Variants in AGBL3 observed in about 807,000 individuals in gnomAD.
AGBL3 encodes cytosolic carboxypeptidase 3.
In AGBL3, 68 loss-of-function variants were observed where a neutral mutation model predicts 94.5. That is an observed-to-expected ratio of 0.72 (90% confidence interval 0.59 to 0.88). AGBL3 has a LOEUF of 0.88. Ranked by LOEUF, AGBL3 falls within the 40% of genes least tolerant of loss-of-function variation. AGBL3 has a pLI of 0.00. For synonymous variants in AGBL3, 354 were observed against 370.7 expected (o/e 0.95, Z 0.52); for missense variants, 934 against 1,103.8 (o/e 0.85, Z 2.18).
intron 4 of AGBL3, among the ~76,000 whole-genome samples, chr7:135,014,525 A>G (rs553774521): frequency 2.6e-5 from 4 of 152,356 alleles, no homozygotes; most frequent in African/African-American, 9.6e-5. Context: ...CCAAGTGAAA[A>G]AAGATACACA....
chr7:135,068,252 C>T (rs1308639352), intron 12 of AGBL3, among the ~76,000 whole-genome samples: 3 of 152,160 alleles, frequency 2.0e-5, no homozygotes, highest in South Asian at 4.1e-4. Context: ...ACCAAATCTA[C>T]GTCTGCTTGG....
At chr7:135,065,061 C>T (rs1819165428) in intron 12 of AGBL3, among the ~76,000 whole-genome samples, 1 of 152,148 alleles carries the variant, frequency 6.6e-6, no homozygotes, top group Admixed American at 6.5e-5. Context: ...CACATCCTCA[C>T]TATACTAAGT....
intron 15 of AGBL3, among the ~76,000 whole-genome samples, chr7:135,095,127 G>T (rs952007810): frequency 6.6e-6 from 1 of 152,102 alleles, no homozygotes. Flanking sequence ...TCCTATTTTC[G>T]GGGAGGGATA....
chr7:135,015,191 CAGAAA>C (rs1184474836), intron 4 of AGBL3, among the ~76,000 whole-genome samples: 3 of 152,220 alleles, frequency 2.0e-5, no homozygotes, highest in African/African-American at 7.2e-5. Flanking sequence ...ATAGAATACT[CAGAAA>C]ATCTTGAAAT....
At chr7:135,030,614 G>C (rs754160499) in intron 5 of AGBL3, among the ~76,000 whole-genome samples, 52 of 152,006 alleles carry the variant, frequency 3.4e-4, no homozygotes, top group South Asian at 8.3e-4. Context: ...GTTAGTAGGG[G>C]TTTTGCACCA....
intron 11 of AGBL3, among the ~76,000 whole-genome samples, chr7:135,057,674 C>A (rs1818459493): frequency 1.3e-5 from 2 of 152,154 alleles, no homozygotes. Context: ...CCAGCAATTG[C>A]ATTCATATAG....
At chr7:135,104,479 T>C (rs1824343993) in intron 15 of AGBL3, among the ~76,000 whole-genome samples, 1 of 152,172 alleles carries the variant, frequency 6.6e-6, no homozygotes, top group South Asian at 2.1e-4. Flanking sequence ...GGTAATTCTG[T>C]TTTTAGCTCC....
intron 12 of AGBL3, among the ~76,000 whole-genome samples, chr7:135,060,415 TA>T (rs1759004246): frequency 6.6e-6 from 1 of 152,176 alleles, no homozygotes; most frequent in South Asian, 2.1e-4. Flanking sequence ...TGAAAACACT[TA>T]AAATCTATTC....
chr7:135,115,331 T>A (rs113930111), intron 15 of AGBL3, 49 bp from the exon 16 acceptor site: 37 of 1,227,884 alleles, frequency 3.0e-5, no homozygotes, highest in Middle Eastern at 4.4e-4. Flanking sequence ...AATAAGTAAT[T>A]GTGAATAGAG....
intron 12 of AGBL3, among the ~76,000 whole-genome samples, chr7:135,073,015 T>C (rs1820090701): frequency 1.3e-5 from 2 of 152,138 alleles, no homozygotes; most frequent in South Asian, 2.1e-4. Flanking sequence ...TATCATTTAG[T>C]CTTTGAACCT....
intron 15 of AGBL3, among the ~76,000 whole-genome samples, chr7:135,096,733 GAGAAAGAATGAA>G (rs1822890993): frequency 2.0e-5 from 1 of 51,152 alleles, no homozygotes; most frequent in East Asian, 5.4e-4. Context: ...AAGAAAGAAA[GAGAAAGAATGAA>G]AGAAAGAAAG....
chr7:135,054,807 C>A (rs1818193365), intron 11 of AGBL3, among the ~76,000 whole-genome samples: 1 of 152,152 alleles, frequency 6.6e-6, no homozygotes, highest in South Asian at 2.1e-4. Context: ...ATTTATCAAT[C>A]TGTATAGCTT....
intron 7 of AGBL3, among the ~76,000 whole-genome samples, chr7:135,036,645 T>C (rs1816338993): frequency 6.6e-6 from 1 of 152,218 alleles, no homozygotes; most frequent in African/African-American, 2.4e-5. Context: ...ATGGTACCAA[T>C]ATCTTTAAGT....
chr7:135,135,345 C>A lies in AGBL3; in HGVS notation c.*84C>A. The stretch of plus-strand genomic sequence containing the variant: ...AAAAGAAAAAAAGGAAAGCCCTCCC[C>A]TTCCCCTTTCCCTATCTCTCCCCTT... On this transcript the variant is annotated 3_prime_UTR_variant, in exon 17 of 17. Transcript: ENST00000436302. 2 of 1,241,550 alleles carry A rather than the reference C, an allele frequency of 1.6e-6. No individual in the cohort carries two copies. Among genetic ancestry groups the A allele is most frequent in the South Asian group, 2.2e-5 (1 of 45,264 alleles). The allele number at this position is 1,241,550 out of a possible 1,614,324, so 76.9% of individuals were successfully genotyped here.
At chr7:135,053,371 G>A (rs1436779349) in intron 11 of AGBL3, among the ~76,000 whole-genome samples, 1 of 152,194 alleles carries the variant, frequency 6.6e-6, no homozygotes, top group Non-Finnish European at 1.5e-5. Flanking sequence ...ACTTTGGGAG[G>A]CTGAGGTAGG....
intron 15 of AGBL3, among the ~76,000 whole-genome samples, chr7:135,087,212 T>G (rs1821399328): frequency 1.3e-5 from 2 of 151,932 alleles, no homozygotes; most frequent in African/African-American, 4.8e-5. Context: ...CTGATTTTAT[T>G]TGGGTCTTTT....
intron 5 of AGBL3, among the ~76,000 whole-genome samples, chr7:135,030,561 T>C (rs888913189): frequency 6.6e-6 from 1 of 152,208 alleles, no homozygotes; most frequent in Non-Finnish European, 1.5e-5. Flanking sequence ...GTTATCTTAA[T>C]ATTTATCCTG....
At chr7:135,016,965 A>G in intron 4 of AGBL3, 87 bp from the exon 5 acceptor site, 1 of 854,854 alleles carries the variant, frequency 1.2e-6, no homozygotes, top group Non-Finnish European at 1.9e-6. Flanking sequence ...GCCTAGATCT[A>G]TCAATGAATA....
At chr7:135,092,220 A>G (rs933009320) in intron 15 of AGBL3, 41 of 152,196 alleles carry the variant, frequency 2.7e-4, no homozygotes, top group African/African-American at 9.6e-4. Flanking sequence ...TGTTTAATAG[A>G]AAGAGAAAAG....
Sources: gnomAD v4.1 joint callset for allele counts (sites outside exome capture counted in the v4.1 genomes callset) on GRCh38, gnomAD v4.1.1 for gene constraint, MANE v1.5 for transcripts, NCBI Gene and HGNC (gene_info 2026-07-23, HGNC 2026-07-21) for gene names.